The following TRPC5 variants were observed in gnomAD, a reference collection of about 807,000 sequenced individuals.
TRPC5 encodes short transient receptor potential channel 5.
In TRPC5, 9 loss-of-function variants were observed where a neutral mutation model predicts 56.5. The observed-to-expected ratio is 0.16, with a 90% confidence interval of 0.10 to 0.28. TRPC5 has a LOEUF of 0.28. Among genes scored for constraint, TRPC5 ranks in the 10% least tolerant of loss-of-function variants. TRPC5 has a pLI of 1.00. For synonymous variants in TRPC5, 282 were observed against 278.5 expected (o/e 1.01, Z -0.13); for missense variants, 469 against 748.9 (o/e 0.63, Z 4.36).
chrX:111,963,496 C>A (rs906362120), intron 1 of TRPC5, among the ~76,000 whole-genome samples: 5 of 112,139 alleles, frequency 4.5e-5, no homozygotes, highest in South Asian at 3.7e-4. Flanking sequence ...CAGCACGCAG[C>A]TGGAGATCTG....
intron 1 of TRPC5, among the ~76,000 whole-genome samples, chrX:112,023,155 C>G (rs190489323): frequency 0.046 from 4,928 of 106,178 alleles, 138 homozygotes; most frequent in Non-Finnish European, 0.072. Flanking sequence ...AGGATGGACT[C>G]GATCTCCTGA....
chrX:112,050,734 C>A (rs1923785923), intron 1 of TRPC5, among the ~76,000 whole-genome samples: 2 of 111,713 alleles, frequency 1.8e-5, no homozygotes, highest in South Asian at 7.5e-4. Context: ...GAGAGAAGGA[C>A]CGAGGAAAGA....
At chrX:111,786,884 C>T (rs995337159) in intron 7 of TRPC5, among the ~76,000 whole-genome samples, 37 of 111,538 alleles carry the variant, frequency 3.3e-4, no homozygotes, top group Admixed American at 2.7e-3. Context: ...AATATATATG[C>T]GCCCAATACA....
At chrX:111,987,809 G>A (rs1294451701) in intron 1 of TRPC5, among the ~76,000 whole-genome samples, 2 of 112,581 alleles carry the variant, frequency 1.8e-5, no homozygotes, top group Non-Finnish European at 3.8e-5. Flanking sequence ...TCTTACTCAT[G>A]GGAGGCTTAT....
chrX:111,817,106 G>A (rs190349490), intron 7 of TRPC5, among the ~76,000 whole-genome samples: 141 of 110,563 alleles, frequency 1.3e-3, no homozygotes, highest in African/African-American at 4.4e-3. Flanking sequence ...ACCATGGGAT[G>A]GGACTCTTTT....
intron 1 of TRPC5, among the ~76,000 whole-genome samples, chrX:112,011,002 T>A (rs777151011): frequency 9.0e-6 from 1 of 111,664 alleles, no homozygotes; most frequent in South Asian, 3.8e-4. Flanking sequence ...GGCTGGAAAC[T>A]GTGTGGTTTT....
chrX:111,984,126 C>T (rs1156892651), intron 1 of TRPC5, among the ~76,000 whole-genome samples: 1 of 111,400 alleles, frequency 9.0e-6, no homozygotes, highest in Non-Finnish European at 1.9e-5. Context: ...GGCCCAGTAG[C>T]GGGCTAAGAG....
At chrX:112,009,778 T>C (rs1569529480) in intron 1 of TRPC5, among the ~76,000 whole-genome samples, 1 of 110,847 alleles carries the variant, frequency 9.0e-6, no homozygotes, top group African/African-American at 3.3e-5. Context: ...TTCTCACTCA[T>C]AGGTGGGAAT....
chrX:111,825,215 CTTTCTTCTT>C (rs1569525924), intron 7 of TRPC5, among the ~76,000 whole-genome samples: 2 of 59,885 alleles, frequency 3.3e-5, no homozygotes, highest in Non-Finnish European at 6.5e-5. Context: ...TTCTTTCTTT[CTTTCTTCTT>C]TCTTTCTCTC....
At position 112,041,809 on chromosome X, in the gene TRPC5, A is replaced by G. The variant is rs148266026; in HGVS notation, c.-22+40070T>C. ...GCCTTGAAAATGACAGAAATCTCTG[A>G]TCTATTTTTTTTCCACAGGTAATAT... On this transcript the variant is annotated intron_variant, in intron 1 of 10. Coordinates refer to ENST00000262839, the MANE Select transcript of TRPC5 (RefSeq NM_012471.3). Among the ~76,000 whole-genome samples, 1,040 of 112,004 alleles carry G rather than the reference A, an allele frequency of 9.3e-3. 10 individuals carry two copies. The highest frequency in any genetic ancestry group is 0.032 in the African/African-American group (991 of 30,821).
intron 7 of TRPC5, among the ~76,000 whole-genome samples, chrX:111,830,034 C>T (rs1922363856): frequency 8.9e-6 from 1 of 112,848 alleles, no homozygotes; most frequent in South Asian, 3.7e-4. Flanking sequence ...GGGGCTGTAC[C>T]CTGCAAAGCC....
intron 7 of TRPC5, among the ~76,000 whole-genome samples, chrX:111,832,981 C>G (rs191735344): frequency 2.2e-3 from 245 of 111,425 alleles, no homozygotes; most frequent in African/African-American, 6.9e-3. Flanking sequence ...ATTACAAATG[C>G]CTTTGCATGA....
intron 1 of TRPC5, among the ~76,000 whole-genome samples, chrX:112,014,507 G>T (rs1050184138): frequency 8.9e-6 from 1 of 112,246 alleles, no homozygotes; most frequent in East Asian, 2.8e-4. Context: ...AAGCTTCTCT[G>T]CATGTGCTCC....
intron 1 of TRPC5, among the ~76,000 whole-genome samples, chrX:111,990,207 C>G (rs1180065723): frequency 9.0e-6 from 1 of 111,268 alleles, no homozygotes; most frequent in Non-Finnish European, 1.9e-5. Flanking sequence ...TGCTTGAGGT[C>G]AGGAGTTCGA....
chrX:112,042,125 T>C (rs1452951548), intron 1 of TRPC5, among the ~76,000 whole-genome samples: 1 of 111,661 alleles, frequency 9.0e-6, no homozygotes, highest in African/African-American at 3.3e-5. Context: ...GTGCAGCCTA[T>C]GACGAGACTG....
chrX:111,988,576 G>A (rs1393526708), intron 1 of TRPC5, among the ~76,000 whole-genome samples: 1 of 110,700 alleles, frequency 9.0e-6, no homozygotes, highest in Admixed American at 9.7e-5. Flanking sequence ...GAGTGAACAT[G>A]TTATACCCTA....
intron 7 of TRPC5, among the ~76,000 whole-genome samples, chrX:111,795,344 A>T (rs776972776): frequency 1.1e-3 from 125 of 109,480 alleles, no homozygotes; most frequent in African/African-American, 2.6e-3. Context: ...CCTTTTTTTT[A>T]AAAAAAAATC....
chrX:111,780,928 C>T (rs1179271382), intron 9 of TRPC5, among the ~76,000 whole-genome samples: 1 of 111,487 alleles, frequency 9.0e-6, no homozygotes, highest in Admixed American at 9.6e-5. Context: ...AGACAGCTTT[C>T]TAAGTCATAG....
intron 3 of TRPC5, among the ~76,000 whole-genome samples, chrX:111,907,528 G>A (rs773923528): frequency 1.8e-5 from 2 of 110,210 alleles, no homozygotes; most frequent in South Asian, 7.9e-4. Context: ...AGGAGGCTGA[G>A]GTGGGAAGAT....
Sources: allele counts gnomAD v4.1 joint callset (sites outside exome capture counted in the v4.1 genomes callset), GRCh38; gene constraint gnomAD v4.1.1; transcripts MANE v1.5; gene names NCBI Gene and HGNC (gene_info 2026-07-23, HGNC 2026-07-21).